Variants in ROBO2 observed in about 807,000 individuals in gnomAD.
ROBO2 encodes the protein roundabout guidance receptor 2, also known as roundabout homolog 2.
In ROBO2, 53 loss-of-function variants were observed where a neutral mutation model predicts 160.8. That is an observed-to-expected ratio of 0.33 (90% CI 0.26 to 0.41). The LOEUF is 0.41. Ranked by LOEUF, ROBO2 falls within the 10% of genes least tolerant of loss-of-function variation. ROBO2 has a pLI of 1.00. For synonymous variants in ROBO2, 664 were observed against 611.7 expected (o/e 1.09, Z -1.26); for missense variants, 1,577 against 1,722.4 (o/e 0.92, Z 1.49).
At chr3:76,616,289 ATC>A (rs2088576408) in intron 2 of ROBO2, among the ~76,000 whole-genome samples, 1 of 152,208 alleles carries the variant, frequency 6.6e-6, no homozygotes, top group Admixed American at 6.5e-5. Context: ...TAATACCTAG[ATC>A]TTGGAAAATT....
At chr3:76,071,089 T>C (rs770427741) in intron 2 of ROBO2, among the ~76,000 whole-genome samples, 1 of 152,206 alleles carries the variant, frequency 6.6e-6, no homozygotes, top group Non-Finnish European at 1.5e-5. Flanking sequence ...TCCTTCATAA[T>C]TGCAATTTCA....
chr3:77,521,783 A>G (rs2090623665), intron 5 of ROBO2, among the ~76,000 whole-genome samples: 1 of 151,330 alleles, frequency 6.6e-6, no homozygotes, highest in Non-Finnish European at 1.5e-5. Flanking sequence ...AGTAGAAGAC[A>G]TCTGGTTATG....
chr3:77,555,341 G>A (rs561149020), intron 8 of ROBO2, among the ~76,000 whole-genome samples: 8 of 151,922 alleles, frequency 5.3e-5, no homozygotes, highest in East Asian at 2.0e-4. Flanking sequence ...CCTGTATTCC[G>A]TTTAGAGCAG....
chr3:77,016,738 C>A (rs2062287929), intron 2 of ROBO2, among the ~76,000 whole-genome samples: 1 of 152,168 alleles, frequency 6.6e-6, no homozygotes, highest in Non-Finnish European at 1.5e-5. Flanking sequence ...GCCACACCGC[C>A]AGGAGTGTTA....
chr3:76,090,635 C>A (rs1310007828), intron 2 of ROBO2, among the ~76,000 whole-genome samples: 1 of 152,068 alleles, frequency 6.6e-6, no homozygotes, highest in Non-Finnish European at 1.5e-5. Context: ...TCAGAATCGC[C>A]AATTTAATAT....
At chr3:77,183,522 A>G (rs542343949) in intron 2 of ROBO2, among the ~76,000 whole-genome samples, 25 of 152,152 alleles carry the variant, frequency 1.6e-4, no homozygotes, top group African/African-American at 5.5e-4. Context: ...AAGACCATGT[A>G]AGGTCATAGG....
intron 2 of ROBO2, among the ~76,000 whole-genome samples, chr3:77,302,130 T>C (rs2062715661): frequency 6.6e-6 from 1 of 151,392 alleles, no homozygotes; most frequent in South Asian, 2.1e-4. Flanking sequence ...TCCATAGAAA[T>C]AGCATCTAGC....
In ROBO2 at chr3:76,382,045, C is replaced by T. The variant is rs533641755; in HGVS notation, c.109+444443C>T. Among the ~76,000 whole-genome samples the T allele has an allele frequency of 7.9e-5, 12 of 152,214 alleles. No homozygotes were observed. In the East Asian group the frequency reaches 1.9e-3, roughly 25 times the overall value. On this transcript the variant is annotated intron_variant, in intron 2 of 26. Transcript: ENST00000487694. ...CCCAGGCTGCAGTGTACTCATGGCTCACTACAACCTCAATGTCCCAGGCTC... is the reference window on the plus strand; with the variant it reads ...CCCAGGCTGCAGTGTACTCATGGCTTACTACAACCTCAATGTCCCAGGCTC...
intron 2 of ROBO2, among the ~76,000 whole-genome samples, chr3:76,840,711 T>A (rs2148466226): frequency 6.7e-6 from 1 of 149,148 alleles, no homozygotes; most frequent in African/African-American, 2.5e-5. Context: ...GCAGAATTTC[T>A]CAATTGAAAG....
intron 2 of ROBO2, among the ~76,000 whole-genome samples, chr3:77,017,338 G>A (rs1007623132): frequency 6.6e-6 from 1 of 152,118 alleles, no homozygotes; most frequent in African/African-American, 2.4e-5. Flanking sequence ...GTAAAAGAAA[G>A]ACAAAGTAAA....
chr3:76,344,582 G>A (rs1405884461), intron 2 of ROBO2, among the ~76,000 whole-genome samples: 3 of 152,116 alleles, frequency 2.0e-5, no homozygotes, highest in Non-Finnish European at 4.4e-5. Flanking sequence ...ACCTATTTCA[G>A]AAAAGGCTCT....
At chr3:76,340,605 T>G (rs2074165865) in intron 2 of ROBO2, among the ~76,000 whole-genome samples, 1 of 152,178 alleles carries the variant, frequency 6.6e-6, no homozygotes, top group Admixed American at 6.6e-5. Flanking sequence ...GAAATCACAT[T>G]CTAGGTCACA....
intron 2 of ROBO2, among the ~76,000 whole-genome samples, chr3:77,182,978 T>A (rs2080932548): frequency 6.6e-6 from 1 of 152,026 alleles, no homozygotes; most frequent in Admixed American, 6.6e-5. Flanking sequence ...ATAAACAAAA[T>A]GAAACAAACA....
intron 2 of ROBO2, among the ~76,000 whole-genome samples, chr3:77,351,617 A>G (rs1429314401): frequency 1.3e-5 from 2 of 152,164 alleles, no homozygotes; most frequent in African/African-American, 4.8e-5. Flanking sequence ...AGAGTCATCT[A>G]CGTTGAAATA....
At chr3:76,482,302 G>A (rs946143232) in intron 2 of ROBO2, among the ~76,000 whole-genome samples, 3 of 152,006 alleles carry the variant, frequency 2.0e-5, no homozygotes, top group Non-Finnish European at 4.4e-5. Context: ...ATCTTACAAT[G>A]GTCCTCTGAG....
chr3:76,049,363 A>G (rs893707193), intron 2 of ROBO2, among the ~76,000 whole-genome samples: 1 of 134,582 alleles, frequency 7.4e-6, no homozygotes, highest in Non-Finnish European at 1.5e-5. Context: ...GGCACATGCC[A>G]CCACCCCTGG....
chr3:76,915,336 G>A (rs185942812), intron 2 of ROBO2, among the ~76,000 whole-genome samples: 1 of 152,062 alleles, frequency 6.6e-6, no homozygotes, highest in Admixed American at 6.6e-5. Flanking sequence ...AATGACTTTA[G>A]CCTTAGTAGT....
At chr3:76,488,096 C>A (rs1262925646) in intron 2 of ROBO2, among the ~76,000 whole-genome samples, 2 of 152,158 alleles carry the variant, frequency 1.3e-5, no homozygotes, top group Non-Finnish European at 2.9e-5. Flanking sequence ...AACTTAGGTC[C>A]TTTCTGCCTC....
At chr3:76,143,800 C>T (rs1024030805) in intron 2 of ROBO2, among the ~76,000 whole-genome samples, 1 of 152,024 alleles carries the variant, frequency 6.6e-6, no homozygotes, top group African/African-American at 2.4e-5. Flanking sequence ...GATCCTCAGT[C>T]GACAACCTGG....
Sources: allele counts gnomAD v4.1 joint callset (sites outside exome capture counted in the v4.1 genomes callset), GRCh38; gene constraint gnomAD v4.1.1; transcripts MANE v1.5; gene names NCBI Gene and HGNC (gene_info 2026-07-23, HGNC 2026-07-21).